Variants in ATP7B observed in about 807,000 individuals in gnomAD.
ATP7B encodes copper-transporting ATPase 2.
In ATP7B, 113 loss-of-function variants were observed where a neutral mutation model predicts 118.9. The observed-to-expected ratio is 0.95, with a 90% CI of 0.82 to 1.11. ATP7B has a LOEUF of 1.11. Ranked by LOEUF, ATP7B falls within the 50% of genes most tolerant of loss-of-function variation. The probability of loss-of-function intolerance (pLI) is 0.00; values close to 1 mark genes in which losing one functional copy is unlikely to be tolerated. For missense variants in ATP7B, 1,867 were observed against 1,871.4 expected, an observed-to-expected ratio of 1.00 and a Z score of 0.04; for synonymous variants, 777 against 727.4, an observed-to-expected ratio of 1.07 and a Z score of -1.10.
rs756866090 is a variant in ATP7B, at chr13:51,949,786, T to A, written c.2741A>T (p.Gln914Leu). The change falls in exon 12 of 21, where the codon CAG becomes CTG. Residue 914 changes from glutamine (Q) to leucine (L), a missense_variant. Gln to Leu is a moderately radical substitution (Grantham distance 113). Transcript: ENST00000242839. Reference protein sequence around the residue: ...EEAQMSKAPIQQLADRFSGYF... With the variant: ...EEAQMSKAPILQLADRFSGYF... ...TCCACTAAACCGGTCAGCCAGCTGC[T>A]GAATGGGTGCCTATGAAAATAAAAC... The A allele has an allele frequency of 1.9e-6, 3 of 1,614,040 alleles. No individual in the cohort carries two copies. The South Asian group carries it at 3.3e-5, about 18-fold the overall frequency.
chr13:51,981,233 T>C (rs1449947919), intron 1 of ATP7B, among the ~76,000 whole-genome samples: 2 of 152,154 alleles, frequency 1.3e-5, no homozygotes, highest in South Asian at 2.1e-4. Flanking sequence ...ATGTTAATTA[T>C]AGGAAGAGAC....
intron 11 of ATP7B, 95 bp downstream of exon 11, chr13:51,949,912 A>G: frequency 6.2e-7 from 1 of 1,609,272 alleles, no homozygotes; most frequent in Middle Eastern, 1.7e-4. Context: ...TTACTAATCA[A>G]TCTCTACTCA....
intron 1 of ATP7B, among the ~76,000 whole-genome samples, chr13:51,980,735 G>C (rs982373988): frequency 6.6e-6 from 1 of 152,206 alleles, no homozygotes; most frequent in Non-Finnish European, 1.5e-5. Flanking sequence ...GAGGTCTCTT[G>C]ATCACTCTTG....
At chr13:51,995,800 C>T (rs986404961) in intron 1 of ATP7B, among the ~76,000 whole-genome samples, 5 of 152,160 alleles carry the variant, frequency 3.3e-5, no homozygotes, top group Admixed American at 1.3e-4. Flanking sequence ...CGTCCCAGCA[C>T]TTGGCACCCT....
At position 51,939,118 on chromosome 13, in the gene ATP7B, C is replaced by G. The variant is rs1157344488; in HGVS notation, c.3632G>C (p.Ser1211Thr). ...EAALAVHTLQSMGVDVVLITG... is the reference protein window; with the variant it reads ...EAALAVHTLQTMGVDVVLITG... ...GATCAGAACCACGTCCACACCCATG[C>G]TCTGCAGCGTGTGCACAGCCAGGGC... The change falls in exon 17 of 21, where the codon AGC (serine) becomes ACC (threonine). Residue 1211 changes from serine to threonine, a missense_variant. Ser to Thr is a moderately conservative substitution (Grantham distance 58). Coordinates refer to ENST00000242839, the MANE Select transcript of ATP7B (RefSeq NM_000053.4). 1.9e-6 allele frequency: 3 copies of G among 1,614,122 alleles called. No individual in the cohort carries two copies. The highest frequency in any genetic ancestry group is 1.3e-5 in the African/African-American group (1 of 74,940).
At chr13:51,970,782 G>A (rs1951802249) in intron 2 of ATP7B, 33 bp from the exon 3 acceptor site, 2 of 1,607,980 alleles carry the variant, frequency 1.2e-6, no homozygotes, top group African/African-American at 2.7e-5. Flanking sequence ...ATTCAAATTA[G>A]AAGAGCAAAT....
rs112878155 is a variant in ATP7B at position 51,960,827 on chromosome 13, A to G, written c.1947-505T>C. Among the ~76,000 whole-genome samples the G allele has an allele frequency of 3.4e-3, 520 of 152,320 alleles. 2 individuals carry two copies. Among genetic ancestry groups the G allele is most frequent in the African/African-American group, 0.012 (499 of 41,568 alleles). Reference sequence around the variant, plus strand: ...ATCACTGGCTGTCTCAATGAACACCATAGTTTGGAATCGGGGGTCATGGCT... The same window carrying G: ...ATCACTGGCTGTCTCAATGAACACCGTAGTTTGGAATCGGGGGTCATGGCT... On this transcript the variant is annotated intron_variant, in intron 6 of 20. Transcript: ENST00000242839.
At chr13:51,938,569 C>T (rs1957116039) in intron 17 of ATP7B, among the ~76,000 whole-genome samples, 1 of 152,176 alleles carries the variant, frequency 6.6e-6, no homozygotes, top group African/African-American at 2.4e-5. Context: ...TCTAGGAATC[C>T]AAACTGGAGC....
chr13:51,973,860 AC>A, intron 2 of ATP7B, 74 bp downstream of exon 2: 1 of 1,603,638 alleles, frequency 6.2e-7, no homozygotes, highest in Admixed American at 1.7e-5. Flanking sequence ...GCTCACCTAT[AC>A]CACCATCCAG....
chr13:51,960,145 T>C lies in ATP7B; in HGVS notation c.2121+3A>G, dbSNP rs1248002612. 3.7e-6 allele frequency: 6 copies of C among 1,613,494 alleles called. No individual in the cohort carries two copies. Among genetic ancestry groups the C allele is most frequent in the Non-Finnish European group, 5.1e-6 (6 of 1,179,392 alleles). ...AGAGGTCTGCCCACTTTCTCATATATACCTGGACAAAGGTACACAAGATAA... is the reference window on the plus strand; with the variant it reads ...AGAGGTCTGCCCACTTTCTCATATACACCTGGACAAAGGTACACAAGATAA... On this transcript the variant is annotated splice_donor_region_variant and intron_variant, in intron 7 of 20. Transcript: ENST00000242839.
At chr13:51,945,678 T>C (rs1957600178) in intron 13 of ATP7B, among the ~76,000 whole-genome samples, 2 of 152,218 alleles carry the variant, frequency 1.3e-5, no homozygotes. Context: ...ACTTTTTCAC[T>C]GTCTGTCTTT....
intron 1 of ATP7B, among the ~76,000 whole-genome samples, chr13:52,008,956 C>T (rs1372823307): frequency 2.0e-5 from 3 of 152,144 alleles, no homozygotes; most frequent in Non-Finnish European, 4.4e-5. Context: ...CTCACTGTAG[C>T]CTCAAACTCC....
At chr13:51,947,271 A>C (rs1316701526) in intron 12 of ATP7B, among the ~76,000 whole-genome samples, 1 of 152,212 alleles carries the variant, frequency 6.6e-6, no homozygotes, top group Middle Eastern at 3.2e-3. Flanking sequence ...AATACTGGAA[A>C]GGTATCCACC....
At chr13:51,951,083 C>T (rs1957972856) in intron 9 of ATP7B, among the ~76,000 whole-genome samples, 1 of 151,948 alleles carries the variant, frequency 6.6e-6, no homozygotes, top group Non-Finnish European at 1.5e-5. Context: ...TTGGCTGCTG[C>T]ATGAGAATGG....
At chr13:51,964,823 T>C in intron 5 of ATP7B, 49 bp downstream of exon 5, 6 of 1,592,604 alleles carry the variant, frequency 3.8e-6, no homozygotes, top group Non-Finnish European at 5.2e-6. Flanking sequence ...ACTGATTATA[T>C]ATTACTGTTT....
chr13:51,946,039 T>A (rs1201692748), intron 13 of ATP7B, among the ~76,000 whole-genome samples: 2 of 152,206 alleles, frequency 1.3e-5, no homozygotes, highest in African/African-American at 2.4e-5. Flanking sequence ...AAAATGGGAA[T>A]GATAAGCACC....
Position 51,935,030 on chromosome 13 carries a change from C to T in ATP7B, c.4125-1G>A, listed in dbSNP as rs1293549383. On this transcript the variant is annotated splice_acceptor_variant, in intron 20 of 20. Transcript: ENST00000242839. LOFTEE classifies it high-confidence loss of function. ...CCTCTCCAGGTCAGGCTTCTTATAG[C>T]TGGAAAGCAGGAACGCAACAGCATC... 1.2e-6 allele frequency: 2 copies of T among 1,613,816 alleles called. No individual in the cohort carries two copies. The highest frequency in any genetic ancestry group is 2.2e-5 in the South Asian group (2 of 91,076).
intron 1 of ATP7B, among the ~76,000 whole-genome samples, chr13:52,007,111 C>T (rs139308146): frequency 2.0e-5 from 3 of 152,228 alleles, no homozygotes; most frequent in East Asian, 1.9e-4. Context: ...GAAATCATGT[C>T]GAGAATCCAT....
intron 9 of ATP7B, among the ~76,000 whole-genome samples, chr13:51,950,999 G>A (rs941700511): frequency 2.0e-4 from 31 of 152,100 alleles, no homozygotes; most frequent in African/African-American, 6.8e-4. Context: ...GTCTCCTGGA[G>A]CAGAGCATGG....
Sources: gnomAD v4.1 joint callset for allele counts (sites outside exome capture counted in the v4.1 genomes callset) on GRCh38, gnomAD v4.1.1 for gene constraint, MANE v1.5 for transcripts, NCBI Gene and HGNC (gene_info 2026-07-23, HGNC 2026-07-21) for gene names.